Variants in ANKRD28 observed in about 807,000 individuals in gnomAD.
ANKRD28 encodes the protein ankyrin repeat domain 28, also known as serine/threonine-protein phosphatase 6 regulatory ankyrin repeat subunit A.
Under a neutral mutation model 126.5 loss-of-function variants are expected in ANKRD28, and 44 were observed. The ratio of observed to expected loss-of-function variants is 0.35; its 90% confidence interval spans 0.27 to 0.45. The LOEUF (loss-of-function observed/expected upper bound fraction) is 0.45. ANKRD28 is among the 20% of genes least tolerant of loss of function. ANKRD28 has a pLI of 1.00. For missense variants in ANKRD28, 1,110 were observed against 1,316.6 expected (o/e 0.84, Z 2.43); for synonymous variants, 442 against 468.5 (o/e 0.94, Z 0.73).
intron 2 of ANKRD28, among the ~76,000 whole-genome samples, chr3:15,776,334 T>C (rs969774169): frequency 6.6e-6 from 1 of 152,174 alleles, no homozygotes; most frequent in Non-Finnish European, 1.5e-5. Flanking sequence ...TACAAATAGC[T>C]GCATCATTCA....
intron 1 of ANKRD28, among the ~76,000 whole-genome samples, chr3:15,803,144 T>A (rs1396652421): frequency 6.6e-6 from 1 of 152,198 alleles, no homozygotes; most frequent in African/African-American, 2.4e-5. Flanking sequence ...TCATTAAAAA[T>A]TTTTAATTAA....
At chr3:15,745,848 G>A (rs1575506456) in intron 4 of ANKRD28, among the ~76,000 whole-genome samples, 1 of 152,206 alleles carries the variant, frequency 6.6e-6, no homozygotes, top group South Asian at 2.1e-4. Flanking sequence ...ATGAGCATGG[G>A]ATATGTTTCT....
At chr3:15,820,141 T>G (rs1253129763) in intron 1 of ANKRD28, among the ~76,000 whole-genome samples, 2 of 152,240 alleles carry the variant, frequency 1.3e-5, no homozygotes, top group Non-Finnish European at 2.9e-5. Flanking sequence ...TTGTACAGAC[T>G]GGTATTATCA....
intron 2 of ANKRD28, among the ~76,000 whole-genome samples, chr3:15,774,958 C>T (rs1407255891): frequency 1.7e-5 from 2 of 120,996 alleles, no homozygotes; most frequent in African/African-American, 3.3e-5. Flanking sequence ...CTCACTGCAA[C>T]CTCTGCCTCC....
At chr3:15,762,751 T>C (rs2058555731) in intron 3 of ANKRD28, among the ~76,000 whole-genome samples, 1 of 151,992 alleles carries the variant, frequency 6.6e-6, no homozygotes. Context: ...AAGGAAAAAA[T>C]AGAAATGCTC....
intron 1 of ANKRD28, among the ~76,000 whole-genome samples, chr3:15,856,793 C>T (rs868841396): frequency 2.0e-5 from 3 of 152,242 alleles, no homozygotes; most frequent in Middle Eastern, 3.4e-3. Flanking sequence ...CTTAAATGCA[C>T]AAAGAAAAAC....
upstream of ANKRD28, among the ~76,000 whole-genome samples, chr3:15,801,165 C>T (rs111763219): frequency 2.0e-5 from 3 of 152,002 alleles, no homozygotes; most frequent in African/African-American, 7.2e-5. This position sits in a 1 kb window ranked among gnomAD's most constrained non-coding sequence, Gnocchi z 4.9. Context: ...CTTTATAATC[C>T]TTCTATTCTT....
intron 4 of ANKRD28, among the ~76,000 whole-genome samples, chr3:15,741,721 T>A (rs1271405630): frequency 8.1e-6 from 1 of 124,184 alleles, no homozygotes; most frequent in African/African-American, 3.5e-5. Flanking sequence ...TTTTTTTTTT[T>A]TTTTTTTTTT....
At chr3:15,735,130 A>G (rs1361326690) in intron 6 of ANKRD28, among the ~76,000 whole-genome samples, 1 of 152,216 alleles carries the variant, frequency 6.6e-6, no homozygotes, top group African/African-American at 2.4e-5. Context: ...AATGGGCTTT[A>G]GTAAACATCA....
intron 1 of ANKRD28, among the ~76,000 whole-genome samples, chr3:15,831,644 T>C (rs537660258): frequency 1.5e-4 from 23 of 152,338 alleles, no homozygotes; most frequent in African/African-American, 5.3e-4. Flanking sequence ...GACCTTGCCT[T>C]ATCTTTTACA....
intron 2 of ANKRD28, among the ~76,000 whole-genome samples, chr3:15,785,138 T>C (rs1312655254): frequency 6.6e-6 from 1 of 151,998 alleles, no homozygotes; most frequent in African/African-American, 2.4e-5. Flanking sequence ...GAAGATAAAA[T>C]AGAAAATCCA....
intron 27 of ANKRD28, among the ~76,000 whole-genome samples, chr3:15,674,135 GTACTC>G (rs936104121): frequency 1.7e-5 from 2 of 115,474 alleles, no homozygotes; most frequent in African/African-American, 6.7e-5. Context: ...TCTCACCACT[GTACTC>G]TAGTCTGGGC....
intron 18 of ANKRD28, among the ~76,000 whole-genome samples, chr3:15,689,265 T>C (rs770599725): frequency 5.9e-5 from 9 of 152,186 alleles, no homozygotes; most frequent in Non-Finnish European, 1.2e-4. Flanking sequence ...TAGCACAACC[T>C]TCAAAACAAC....
intron 2 of ANKRD28, among the ~76,000 whole-genome samples, chr3:15,777,918 C>G (rs1023350573): frequency 6.9e-6 from 1 of 145,844 alleles, no homozygotes; most frequent in African/African-American, 2.5e-5. Context: ...TCCGCCCTAG[C>G]CCCGTCAATA....
At chr3:15,795,441 T>C in intron 1 of ANKRD28, 135 bp from the exon 2 acceptor site, 2 of 522,008 alleles carry the variant, frequency 3.8e-6, no homozygotes, top group African/African-American at 2.0e-5. Context: ...AGAAGTTTCA[T>C]AAAACCAAAT....
At chr3:15,695,145 C>G in intron 16 of ANKRD28, 43 bp downstream of exon 16, 1 of 1,500,938 alleles carries the variant, frequency 6.7e-7, no homozygotes, top group South Asian at 1.2e-5. Flanking sequence ...TAGGAGGGAA[C>G]TGACCAATAC....
At position 15,854,921 on chromosome 3, in the gene ANKRD28, C is replaced by T. The variant is rs902122809; in HGVS notation, c.27+4456G>A. On this transcript the variant is annotated intron_variant, in intron 1 of 27. Coordinates refer to the ANKRD28 transcript ENST00000399451. The surrounding 1 kb of genome is among the most constrained non-coding windows in gnomAD (Gnocchi z 4.1). ...AAAATTAGCTGGGTGTGGTGGTGGG[C>T]GCCTGTAGTCCCAGCTACTAGGGAG... is the stretch of plus-strand genomic sequence containing the variant. Among the ~76,000 whole-genome samples the T allele has an allele frequency of 2.0e-5, 3 of 152,026 alleles. No homozygotes were observed. Among genetic ancestry groups the T allele is most frequent in the African/African-American group, 2.4e-5 (1 of 41,370 alleles).
intron 27 of ANKRD28, 22 bp from the exon 28 acceptor site, chr3:15,670,578 A>T: frequency 6.2e-7 from 1 of 1,600,388 alleles, no homozygotes; most frequent in Non-Finnish European, 8.5e-7. Context: ...GATAAAATTT[A>T]AAAATTAAGC....
intron 1 of ANKRD28, among the ~76,000 whole-genome samples, chr3:15,828,546 A>G (rs1209189560): frequency 6.6e-6 from 1 of 150,832 alleles, no homozygotes; most frequent in Non-Finnish European, 1.5e-5. Context: ...GTACTTTGAG[A>G]CCCTTTGTAT....
Sources: allele counts gnomAD v4.1 joint callset (sites outside exome capture counted in the v4.1 genomes callset), GRCh38; gene constraint gnomAD v4.1.1; non-coding constraint Gnocchi (gnomAD v3.1); transcripts MANE v1.5; gene names NCBI Gene and HGNC (gene_info 2026-07-23, HGNC 2026-07-21).